Variants in MIPOL1 observed in about 807,000 individuals in gnomAD.
MIPOL1 encodes the protein mirror-image polydactyly 1.
MIPOL1 carries 57 observed loss-of-function variants against 60.9 expected under a neutral mutation model. That is an observed-to-expected ratio of 0.94 (90% CI 0.76 to 1.17). The LOEUF (loss-of-function observed/expected upper bound fraction) is 1.17, where lower values mean the gene tolerates loss of function less well. Ranked by LOEUF, MIPOL1 falls within the 50% of genes most tolerant of loss-of-function variation. The probability of loss-of-function intolerance (pLI) is 0.00; values close to 1 mark genes in which losing one functional copy is unlikely to be tolerated. For missense variants in MIPOL1, 551 were observed against 511.6 expected (o/e 1.08, Z -0.74); for synonymous variants, 179 against 168.8 (o/e 1.06, Z -0.47).
intron 9 of MIPOL1, among the ~76,000 whole-genome samples, chr14:37,363,188 G>T (rs2092343063): frequency 6.6e-6 from 1 of 152,144 alleles, no homozygotes; most frequent in African/African-American, 2.4e-5. Flanking sequence ...AGAAGAAGAG[G>T]CACTCTGGTT....
At position 37,393,361 on chromosome 14, in the gene MIPOL1, T is replaced by G. The variant is rs112058996; in HGVS notation, c.936+23737T>G. Among the ~76,000 whole-genome samples the G allele has an allele frequency of 7.2e-3, 1,078 of 150,290 alleles. 13 individuals carry two copies. The highest frequency in any genetic ancestry group is 0.025 in the African/African-American group (1,011 of 40,888). ...ATTTTTTTGAGTTCTAAAACATTCTTATTTTCCAAAAAACTAAGGTTTTGT... is the reference window on the plus strand; with the variant it reads ...ATTTTTTTGAGTTCTAAAACATTCTGATTTTCCAAAAAACTAAGGTTTTGT... On this transcript the variant is annotated intron_variant, in intron 10 of 12. Coordinates refer to ENST00000684589, the MANE Select transcript of MIPOL1 (RefSeq NM_001388067.1).
At chr14:37,238,771 G>A (rs1323621600) in intron 1 of MIPOL1, among the ~76,000 whole-genome samples, 2 of 144,188 alleles carry the variant, frequency 1.4e-5, no homozygotes, top group African/African-American at 5.2e-5. Flanking sequence ...GCAACACGGT[G>A]AAACCCCACT....
intron 9 of MIPOL1, among the ~76,000 whole-genome samples, chr14:37,310,774 T>G (rs760323260): frequency 6.6e-6 from 1 of 152,118 alleles, no homozygotes; most frequent in Admixed American, 6.6e-5. Flanking sequence ...GAGCTGAGTA[T>G]TTGCAAGGGC....
At chr14:37,515,874 T>G (rs900277703) in intron 12 of MIPOL1, among the ~76,000 whole-genome samples, 1 of 152,182 alleles carries the variant, frequency 6.6e-6, no homozygotes, top group African/African-American at 2.4e-5. Flanking sequence ...GATGCTCTTT[T>G]TTAACACAGC....
At chr14:37,431,569 CTTTTTTT>C (rs869258490) in intron 11 of MIPOL1, among the ~76,000 whole-genome samples, 110 of 64,846 alleles carry the variant, frequency 1.7e-3, no homozygotes, top group African/African-American at 4.9e-3. Context: ...ATCTCTGTTT[CTTTTTTT>C]TTTTTTTTTT....
intron 11 of MIPOL1, among the ~76,000 whole-genome samples, chr14:37,497,289 C>A (rs908235488): frequency 9.2e-5 from 14 of 152,170 alleles, no homozygotes; most frequent in African/African-American, 1.4e-4. Flanking sequence ...ACAAAATTGA[C>A]AAATGGGATC....
chr14:37,432,544 A>C (rs2094090667), intron 11 of MIPOL1, among the ~76,000 whole-genome samples: 1 of 152,214 alleles, frequency 6.6e-6, no homozygotes, highest in Admixed American at 6.5e-5. Flanking sequence ...AGTTATTTAC[A>C]CGGATGTGGG....
At chr14:37,492,034 A>G (rs1431028973) in intron 11 of MIPOL1, among the ~76,000 whole-genome samples, 1 of 152,312 alleles carries the variant, frequency 6.6e-6, no homozygotes, top group East Asian at 1.9e-4. Context: ...AATATTTAAG[A>G]TGGGGTCTCA....
At position 37,308,353 on chromosome 14, in the gene MIPOL1, T is replaced by C. The variant is rs751518239; in HGVS notation, c.662T>C (p.Leu221Ser). The stretch of plus-strand genomic sequence containing the variant: ...AACATATAATGGTGTTGGTAGACAT[T>C]ACAGGAATTACTGAACAGAATAAAC... ...NINPEENDMTLQELLNRINNA... is the reference protein window; with the variant it reads ...NINPEENDMTSQELLNRINNA... Residue 221 changes from leucine to serine, a missense_variant, in exon 9 of 13, where the codon TTA becomes TCA. Coordinates refer to ENST00000684589, the MANE Select transcript of MIPOL1 (RefSeq NM_001388067.1). The C allele has an allele frequency of 7.8e-6, 12 of 1,547,188 alleles. No individual in the cohort carries two copies. The highest frequency in any genetic ancestry group is 1.8e-4 in the Middle Eastern group (1 of 5,702).
intron 7 of MIPOL1, among the ~76,000 whole-genome samples, chr14:37,302,171 G>C (rs2086327594): frequency 6.7e-6 from 1 of 148,838 alleles, no homozygotes; most frequent in Admixed American, 6.8e-5. Flanking sequence ...ATAAGAAACT[G>C]CCAAATTCTT....
intron 1 of MIPOL1, among the ~76,000 whole-genome samples, chr14:37,222,323 A>T: frequency 6.6e-6 from 1 of 151,716 alleles, no homozygotes; most frequent in East Asian, 1.9e-4. Flanking sequence ...CCTGGGCTCA[A>T]GTGATCCTCC....
chr14:37,279,847 A>C (rs1242014759), intron 6 of MIPOL1, among the ~76,000 whole-genome samples: 1 of 152,128 alleles, frequency 6.6e-6, no homozygotes, highest in Non-Finnish European at 1.5e-5. Context: ...ATTACTCTTC[A>C]TTATAAGTCA....
chr14:37,476,813 G>T (rs1021156472), intron 11 of MIPOL1, among the ~76,000 whole-genome samples: 3 of 146,152 alleles, frequency 2.1e-5, no homozygotes, highest in African/African-American at 7.6e-5. Flanking sequence ...TATATATTTT[G>T]TTGGATTTAA....
At chr14:37,444,548 C>T (rs1255621727) in intron 11 of MIPOL1, among the ~76,000 whole-genome samples, 4 of 152,066 alleles carry the variant, frequency 2.6e-5, no homozygotes, top group African/African-American at 9.7e-5. Flanking sequence ...TATAAAAATG[C>T]AAATGATTAG....
intron 9 of MIPOL1, among the ~76,000 whole-genome samples, chr14:37,311,207 T>G (rs2144582): frequency 0.94 from 143,612 of 152,244 alleles, 68,111 homozygotes; most frequent in East Asian, 1. Flanking sequence ...AGGCAGATGA[T>G]TTTTGCATTA....
At position 37,550,580 on chromosome 14, in the gene MIPOL1, G is replaced by C. The variant is rs2153645553; in HGVS notation, c.*3609G>C. On this transcript the variant is annotated 3_prime_UTR_variant, in exon 13 of 13. Transcript: ENST00000684589. ...TTTATAAGTGAACTGTTAGGCTCCA[G>C]TGATTTCAGTGTTTTGTTCATGTTT... 6.6e-6 allele frequency: 1 copy of C among 152,304 alleles called. No individual in the cohort carries two copies. The highest frequency in any genetic ancestry group is 2.1e-4 in the South Asian group (1 of 4,822). 9.4% of individuals were successfully genotyped at this position (152,304 alleles called of 1,614,324 possible). A position where few individuals can be genotyped will look rare whatever the true frequency, so the allele number is the denominator to read the frequency against.
chr14:37,454,216 A>G (rs1340370803), intron 11 of MIPOL1, among the ~76,000 whole-genome samples: 1 of 152,162 alleles, frequency 6.6e-6, no homozygotes, highest in African/African-American at 2.4e-5. Context: ...GACCAGAGCT[A>G]TGCTCATGGC....
chr14:37,224,373 C>T (rs190062032), intron 1 of MIPOL1, among the ~76,000 whole-genome samples: 2 of 152,260 alleles, frequency 1.3e-5, no homozygotes, highest in Non-Finnish European at 2.9e-5. Context: ...CTGATAAAGA[C>T]ATACCCATGA....
chr14:37,453,691 A>G (rs576713844), intron 11 of MIPOL1, among the ~76,000 whole-genome samples: 12 of 152,282 alleles, frequency 7.9e-5, no homozygotes, highest in Admixed American at 3.3e-4. Context: ...AATATTATCT[A>G]CACATTTGGA....
Sources: allele counts gnomAD v4.1 joint callset (sites outside exome capture counted in the v4.1 genomes callset), GRCh38; gene constraint gnomAD v4.1.1; transcripts MANE v1.5; gene names NCBI Gene and HGNC (gene_info 2026-07-23, HGNC 2026-07-21).